GFM1: variants seen among roughly 807,000 people sequenced by gnomAD.
GFM1 encodes elongation factor G, mitochondrial.
Under a neutral mutation model 96.2 loss-of-function variants are expected in GFM1, and 62 were observed. That is an observed-to-expected ratio of 0.64 (90% CI 0.53 to 0.80). GFM1 has a LOEUF of 0.80. GFM1 is among the 30% of genes least tolerant of loss of function. GFM1 has a pLI of 0.00. For synonymous variants in GFM1, 282 were observed against 312.9 expected, an observed-to-expected ratio of 0.90 and a Z score of 1.04; for missense variants, 852 against 916.6, an observed-to-expected ratio of 0.93 and a Z score of 0.91.
intron 8 of GFM1, chr3:158,657,633 C>T (rs918563185): frequency 3.3e-5 from 5 of 151,764 alleles, no homozygotes; most frequent in East Asian, 3.9e-4. Flanking sequence ...TATTTACTTT[C>T]GTTCCTTCTA....
chr3:158,660,959 A>G lies in GFM1; in HGVS notation c.1307A>G (p.Asn436Ser), dbSNP rs1560133846. The stretch of plus-strand genomic sequence containing the variant: ...GGAGACACATTCACAGACAAAGCCA[A>G]CAGCGGCCTTTCTATGGTAAGCCAT... ...ASGDTFTDKANSGLSMESIHV... is the reference protein window; with the variant it reads ...ASGDTFTDKASSGLSMESIHV... Residue 436 changes from asparagine (N) to serine (S), a missense_variant, in exon 10 of 18, where the codon AAC becomes AGC. Asn to Ser is a conservative substitution (Grantham distance 46, BLOSUM62 1). Coordinates refer to ENST00000486715, the MANE Select transcript of GFM1 (RefSeq NM_024996.7). 2 of 1,613,712 alleles carry G rather than the reference A, an allele frequency of 1.2e-6. No individual in the cohort carries two copies. Among genetic ancestry groups the G allele is most frequent in the Non-Finnish European group, 1.7e-6 (2 of 1,179,588 alleles).
At chr3:158,653,757 TAAAA>T (rs11457459) in intron 7 of GFM1, among the ~76,000 whole-genome samples, 1 of 147,538 alleles carries the variant, frequency 6.8e-6, no homozygotes, top group Non-Finnish European at 1.5e-5. Flanking sequence ...GACATACTGT[TAAAA>T]AAAAAAAAGT....
intron 5 of GFM1, chr3:158,649,396 A>G (rs1722112996): frequency 2.7e-6 from 1 of 369,532 alleles, no homozygotes; most frequent in South Asian, 2.7e-5. Context: ...TATGGCATGC[A>G]TGGTGTGGTA....
chr3:158,667,131 C>T (rs9875895), intron 13 of GFM1: 535,046 of 1,455,474 alleles, frequency 0.37, 102,165 homozygotes, highest in African/African-American at 0.61. Context: ...GCAAAAATTA[C>T]ATTTAATTTT....
chr3:158,680,827 C>G (rs1200896213), intron 13 of GFM1, among the ~76,000 whole-genome samples: 1 of 152,138 alleles, frequency 6.6e-6, no homozygotes, highest in Non-Finnish European at 1.5e-5. Context: ...GTTCCTGAAA[C>G]TGTGTGGAAT....
chr3:158,691,549 G>C lies in GFM1; in HGVS notation c.*82G>C. ...GATGGATTCCAGTGGAATAAATTCA[G>C]GCTGCTGAAACAAGAAATTCTGAGC... On this transcript the variant is annotated 3_prime_UTR_variant, in exon 18 of 18. Coordinates refer to ENST00000486715, the MANE Select transcript of GFM1 (RefSeq NM_024996.7). 6.6e-7 allele frequency: 1 copy of C among 1,513,912 alleles called. No homozygotes were observed. The highest frequency in any genetic ancestry group is 9.1e-7 in the Non-Finnish European group (1 of 1,094,572). 93.8% of individuals were successfully genotyped at this position (1,513,912 alleles called of 1,614,324 possible).
At chr3:158,666,999 A>C in intron 13 of GFM1, 1 of 1,592,834 alleles carries the variant, frequency 6.3e-7, no homozygotes, top group Non-Finnish European at 8.5e-7. Flanking sequence ...AATAAAGGTA[A>C]ATTATACTTT....
intron 13 of GFM1, among the ~76,000 whole-genome samples, chr3:158,679,716 G>C (rs1427662277): frequency 6.6e-6 from 1 of 152,070 alleles, no homozygotes; most frequent in Non-Finnish European, 1.5e-5. Flanking sequence ...TTTTGAATAG[G>C]TCCTCTGTTG....
Position 158,659,074 on chromosome 3 carries a change from A to T in GFM1, c.1221+15A>T. Reference sequence around the variant, plus strand: ...ACATGATGGAGGCAAGTACAGAGTCATTGTGAGATTAGAAATTCCTCTGAT... The same window carrying T: ...ACATGATGGAGGCAAGTACAGAGTCTTTGTGAGATTAGAAATTCCTCTGAT... On this transcript the variant is annotated intron_variant, in intron 9 of 17. Coordinates refer to ENST00000486715, the MANE Select transcript of GFM1 (RefSeq NM_024996.7). 3.1e-6 allele frequency: 5 copies of T among 1,614,088 alleles called. No individual in the cohort carries two copies. The highest frequency in any genetic ancestry group is 4.2e-6 in the Non-Finnish European group (5 of 1,179,986).
chr3:158,677,571 G>T (rs1725008456), intron 13 of GFM1, among the ~76,000 whole-genome samples: 1 of 152,138 alleles, frequency 6.6e-6, no homozygotes, highest in Non-Finnish European at 1.5e-5. Context: ...CACGATCTCG[G>T]CTCACTACAG....
At chr3:158,676,851 C>T (rs1724943085) in intron 13 of GFM1, among the ~76,000 whole-genome samples, 1 of 152,106 alleles carries the variant, frequency 6.6e-6, no homozygotes, top group Non-Finnish European at 1.5e-5. Flanking sequence ...AGGTGCCCGC[C>T]ACCATGCCCG....
intron 13 of GFM1, among the ~76,000 whole-genome samples, chr3:158,679,712 A>G (rs944601409): frequency 6.6e-6 from 1 of 152,112 alleles, no homozygotes; most frequent in Non-Finnish European, 1.5e-5. Context: ...GTTTTTTTGA[A>G]TAGGTCCTCT....
intron 13 of GFM1, among the ~76,000 whole-genome samples, chr3:158,667,633 A>C (rs534196236): frequency 8.7e-4 from 132 of 152,272 alleles, no homozygotes; most frequent in Non-Finnish European, 1.6e-3. Flanking sequence ...GAGAATAAAC[A>C]AAAAATTAGC....
At chr3:158,650,256 TC>T in intron 5 of GFM1, 1 of 593,232 alleles carries the variant, frequency 1.7e-6, no homozygotes, top group East Asian at 2.8e-5. Context: ...TTTTTGTTTT[TC>T]TTTTTTCCTA....
chr3:158,656,087 CT>C (rs1722731278), intron 8 of GFM1: 1 of 337,032 alleles, frequency 3.0e-6, no homozygotes, highest in Non-Finnish European at 5.9e-6. Context: ...AAGTGTTATT[CT>C]TGTCACATCA....
rs768842117 is a variant in GFM1 at position 158,681,341 on chromosome 3, A to ATCTT, written c.1602-652_1602-649dup. On this transcript the variant is annotated intron_variant, in intron 13 of 17. Transcript: ENST00000486715. ...GTGAAACAGTAGCCTGTGTTTACAT[A>ATCTT]TCTTTAGTATATATGTAAAGTGCTT... Among the ~76,000 whole-genome samples the ATCTT allele has an allele frequency of 6.6e-5, 10 of 152,348 alleles. No homozygotes were observed. In the East Asian group the frequency reaches 7.7e-4, roughly 12 times the overall value.
At position 158,666,366 on chromosome 3, in the gene GFM1, G is replaced by T; in HGVS notation, c.1581G>T (p.Glu527Asp). ...GAAAGCCAAAAGTTGCCTTTCGAGA[G>T]ACCATTACTGCCCCTGTCCCGTAAG... ...ITGKPKVAFR[E>D]TITAPVPFDF... The change falls in exon 13 of 18, where the codon GAG (glutamate) becomes GAT (aspartate). Residue 527 changes from glutamate to aspartate, a missense_variant. By Grantham distance (45) the Glu-to-Asp change is conservative. Coordinates refer to ENST00000486715, the MANE Select transcript of GFM1 (RefSeq NM_024996.7). The T allele has an allele frequency of 1.9e-6, 3 of 1,613,512 alleles. No individual in the cohort carries two copies. Among genetic ancestry groups the T allele is most frequent in the Non-Finnish European group, 1.7e-6 (2 of 1,179,546 alleles).
intron 13 of GFM1, chr3:158,670,894 C>G: frequency 7.1e-7 from 1 of 1,402,320 alleles, no homozygotes; most frequent in Non-Finnish European, 9.3e-7. Context: ...TGTTCTGCCA[C>G]TGCACTTCAG....
intron 13 of GFM1, chr3:158,670,836 A>G: frequency 1.6e-6 from 2 of 1,265,722 alleles, no homozygotes; most frequent in Non-Finnish European, 2.0e-6. Flanking sequence ...GGGGAGGCTG[A>G]GGTGGGAAGA....
Sources: allele counts gnomAD v4.1 joint callset (sites outside exome capture counted in the v4.1 genomes callset), GRCh38; gene constraint gnomAD v4.1.1; transcripts MANE v1.5; gene names NCBI Gene and HGNC (gene_info 2026-07-23, HGNC 2026-07-21).